HCN1: variants seen among roughly 807,000 people sequenced by gnomAD.
HCN1 encodes the protein potassium/sodium hyperpolarization-activated cyclic nucleotide-gated channel 1.
Under a neutral mutation model 78.9 loss-of-function variants are expected in HCN1, and 13 were observed. The ratio of observed to expected loss-of-function variants is 0.16; its 90% CI spans 0.11 to 0.26. The LOEUF is 0.26. Among genes scored for constraint, HCN1 ranks in the 10% least tolerant of loss-of-function variants. The pLI is 1.00. For missense variants in HCN1, 810 were observed against 1,154.3 expected, an observed-to-expected ratio of 0.70 and a Z score of 4.32; for synonymous variants, 552 against 455.5, an observed-to-expected ratio of 1.21 and a Z score of -2.70.
intron 2 of HCN1, among the ~76,000 whole-genome samples, chr5:45,523,772 A>T (rs575511753): frequency 6.6e-6 from 1 of 152,254 alleles, no homozygotes; most frequent in East Asian, 1.9e-4. Flanking sequence ...CCTTTGTCAG[A>T]TGAATAGGTT....
At chr5:45,321,356 T>A (rs551756445) in intron 5 of HCN1, among the ~76,000 whole-genome samples, 116 of 151,820 alleles carry the variant, frequency 7.6e-4, no homozygotes, top group Non-Finnish European at 1.5e-3. Flanking sequence ...CTTCAACATA[T>A]GCAGAAGAAG....
At chr5:45,481,452 G>T (rs915072804) in intron 2 of HCN1, among the ~76,000 whole-genome samples, 4 of 152,182 alleles carry the variant, frequency 2.6e-5, no homozygotes, top group Non-Finnish European at 5.9e-5. Context: ...GAATTAAGAA[G>T]ATAGGATCAA....
chr5:45,672,545 A>C (rs898395097), intron 1 of HCN1, among the ~76,000 whole-genome samples: 1 of 151,100 alleles, frequency 6.6e-6, no homozygotes, highest in African/African-American at 2.4e-5. Flanking sequence ...TCAAAAAATT[A>C]AAAAGTCCTT....
intron 6 of HCN1, among the ~76,000 whole-genome samples, chr5:45,279,824 AC>A (rs1030392844): frequency 6.6e-6 from 1 of 151,944 alleles, no homozygotes; most frequent in African/African-American, 2.4e-5. Flanking sequence ...TCACCATAAC[AC>A]CCCCAAAATT....
intron 1 of HCN1, among the ~76,000 whole-genome samples, chr5:45,655,822 C>T (rs1371800643): frequency 6.6e-6 from 1 of 152,120 alleles, no homozygotes; most frequent in African/African-American, 2.4e-5. Context: ...TTATTTCTGC[C>T]TTAGCCCACA....
chr5:45,382,670 A>G (rs1747833224), intron 4 of HCN1, among the ~76,000 whole-genome samples: 1 of 152,276 alleles, frequency 6.6e-6, no homozygotes, highest in Admixed American at 6.5e-5. Context: ...GGTGTCTGAA[A>G]TATTATTAGC....
intron 2 of HCN1, among the ~76,000 whole-genome samples, chr5:45,597,804 C>A (rs1561214924): frequency 6.6e-6 from 1 of 152,234 alleles, no homozygotes; most frequent in East Asian, 1.9e-4. Context: ...TGAGTGAACA[C>A]CCATTCACAA....
At chr5:45,610,142 G>A (rs1242685335) in intron 2 of HCN1, among the ~76,000 whole-genome samples, 1 of 152,096 alleles carries the variant, frequency 6.6e-6, no homozygotes, top group East Asian at 1.9e-4. Flanking sequence ...CTTAAAAGAG[G>A]TGTGATTTTT....
chr5:45,655,766 A>T (rs374402399), intron 1 of HCN1, among the ~76,000 whole-genome samples: 86 of 152,232 alleles, frequency 5.6e-4, no homozygotes, highest in African/African-American at 1.7e-3. Context: ...TGCAACTTCT[A>T]AACAGAGGAG....
chr5:45,461,342 G>T (rs989485908), intron 3 of HCN1, among the ~76,000 whole-genome samples: 1 of 151,742 alleles, frequency 6.6e-6, no homozygotes, highest in Non-Finnish European at 1.5e-5. Flanking sequence ...CCTTTTCCCC[G>T]AAGTTTTCCT....
At chr5:45,374,718 T>C (rs947468192) in intron 4 of HCN1, among the ~76,000 whole-genome samples, 1 of 150,200 alleles carries the variant, frequency 6.7e-6, no homozygotes, top group Non-Finnish European at 1.5e-5. Flanking sequence ...TAAATATGCT[T>C]GATGAACACA....
chr5:45,468,930 T>C (rs939352199), intron 2 of HCN1, among the ~76,000 whole-genome samples: 29 of 152,136 alleles, frequency 1.9e-4, no homozygotes, highest in African/African-American at 7.0e-4. Context: ...TCAGTACTAA[T>C]AAATATCTAA....
At chr5:45,571,321 T>C (rs1166326905) in intron 2 of HCN1, among the ~76,000 whole-genome samples, 1 of 152,182 alleles carries the variant, frequency 6.6e-6, no homozygotes, top group African/African-American at 2.4e-5. Flanking sequence ...TTAAGTTTCA[T>C]GGTTTTTTCT....
At chr5:45,316,185 T>C (rs911309635) in intron 5 of HCN1, among the ~76,000 whole-genome samples, 11 of 152,152 alleles carry the variant, frequency 7.2e-5, no homozygotes, top group African/African-American at 2.4e-4. Flanking sequence ...GCAAACCGAA[T>C]GCAGCAGCAC....
rs369911968 is a variant in HCN1, at chr5:45,615,501, T to C, written c.849+29684A>G. Among the ~76,000 whole-genome samples the C allele has an allele frequency of 2.0e-4, 30 of 152,102 alleles. No individual in the cohort carries two copies. In the East Asian group the frequency reaches 3.5e-3, roughly 18 times the overall value. ...GAGATGCTAGTGTGGGTACAGAATG[T>C]AGTGTTTAATTGCAAGACTACAGAA... On this transcript the variant is annotated intron_variant, in intron 2 of 7. Transcript: ENST00000303230.
intron 2 of HCN1, chr5:45,643,722 T>C (rs942777126): frequency 1.3e-5 from 2 of 152,138 alleles, no homozygotes; most frequent in African/African-American, 4.8e-5. Flanking sequence ...ATTTACATCT[T>C]TGTGTTGTTA....
intron 6 of HCN1, 24 bp downstream of exon 6, chr5:45,303,575 C>G: frequency 6.2e-7 from 1 of 1,612,008 alleles, no homozygotes; most frequent in Non-Finnish European, 8.5e-7. Flanking sequence ...TAGATTTCAT[C>G]TTAGTTGCAT....
chr5:45,336,448 C>G (rs1181546767), intron 5 of HCN1, among the ~76,000 whole-genome samples: 1 of 152,016 alleles, frequency 6.6e-6, no homozygotes, highest in East Asian at 1.9e-4. Context: ...AGAAGGCTGA[C>G]AATTCCAGTG....
At chr5:45,372,358 T>A (rs1171014059) in intron 4 of HCN1, among the ~76,000 whole-genome samples, 1 of 108,134 alleles carries the variant, frequency 9.2e-6, no homozygotes, top group Admixed American at 1.4e-4. Flanking sequence ...TTTTACATAT[T>A]ATATATAAAA....
Sources: gnomAD v4.1 joint callset for allele counts (sites outside exome capture counted in the v4.1 genomes callset) on GRCh38, gnomAD v4.1.1 for gene constraint, MANE v1.5 for transcripts, NCBI Gene and HGNC (gene_info 2026-07-23, HGNC 2026-07-21) for gene names.